GALNT13: variants seen among roughly 807,000 people sequenced by gnomAD.
GALNT13 encodes the protein UDP-GalNAc:polypeptide N-acetylgalactosaminyltransferase 13.
GALNT13 carries 28 observed loss-of-function variants against 64.2 expected under a neutral mutation model. The ratio of observed to expected loss-of-function variants is 0.44; its 90% CI spans 0.32 to 0.60. The LOEUF (loss-of-function observed/expected upper bound fraction) is 0.60, where lower values mean the gene tolerates loss of function less well. GALNT13 is among the 20% of genes least tolerant of loss of function. The pLI is 0.05. For synonymous variants in GALNT13, 214 were observed against 224.6 expected (o/e 0.95, Z 0.42); for missense variants, 577 against 669.8 (o/e 0.86, Z 1.53).
chr2:153,718,384 C>T, the GALNT13 span, among the ~76,000 whole-genome samples: 2 of 151,212 alleles, frequency 1.3e-5, no homozygotes, highest in African/African-American at 4.9e-5. Flanking sequence ...TCTGTTCCTG[C>T]TCAAAGGTAT....
the GALNT13 span, among the ~76,000 whole-genome samples, chr2:153,205,602 A>G: frequency 6.6e-6 from 1 of 152,096 alleles, no homozygotes; most frequent in Admixed American, 6.5e-5. Context: ...ATTCAACTCA[A>G]GTAACCCAAT....
At chr2:154,310,764 T>C (rs1019463654) in intron 9 of GALNT13, among the ~76,000 whole-genome samples, 1 of 152,116 alleles carries the variant, frequency 6.6e-6, no homozygotes, top group Non-Finnish European at 1.5e-5. Flanking sequence ...ATTCAAATCC[T>C]GACTCTACTT....
chr2:154,121,800 ATGACAATTTTATTTCTTTCT>A (rs1681958805), intron 3 of GALNT13, among the ~76,000 whole-genome samples: 1 of 152,042 alleles, frequency 6.6e-6, no homozygotes, highest in Non-Finnish European at 1.5e-5. Context: ...TGTGCAAGTA[ATGACAATTTTATTTCTTTCT>A]TTCCAATCCA....
At chr2:153,859,440 T>G in the GALNT13 span, among the ~76,000 whole-genome samples, 1 of 152,162 alleles carries the variant, frequency 6.6e-6, no homozygotes, top group Non-Finnish European at 1.5e-5. Context: ...CCAATGAATC[T>G]CAAACCAGGG....
At chr2:153,875,533 A>G (rs558719831) in intron 1 of GALNT13, among the ~76,000 whole-genome samples, 1 of 152,304 alleles carries the variant, frequency 6.6e-6, no homozygotes, top group Non-Finnish European at 1.5e-5. Flanking sequence ...TATCATGCCA[A>G]GTTGATTTCT....
the GALNT13 span, among the ~76,000 whole-genome samples, chr2:153,735,381 C>T: frequency 6.6e-6 from 1 of 151,494 alleles, no homozygotes; most frequent in South Asian, 2.1e-4. Flanking sequence ...GAGTGACACA[C>T]AAAATAAGCT....
chr2:153,610,814 TA>T, the GALNT13 span, among the ~76,000 whole-genome samples: 1 of 152,220 alleles, frequency 6.6e-6, no homozygotes, highest in Non-Finnish European at 1.5e-5. Context: ...GTGCCAACAA[TA>T]AGAAGATATG....
chr2:153,891,203 G>A (rs944374644), intron 1 of GALNT13, among the ~76,000 whole-genome samples: 1 of 152,144 alleles, frequency 6.6e-6, no homozygotes, highest in African/African-American at 2.4e-5. Flanking sequence ...GATTGCATAT[G>A]TACAGATAGG....
the GALNT13 span, among the ~76,000 whole-genome samples, chr2:153,262,998 A>T: frequency 6.6e-6 from 1 of 152,120 alleles, no homozygotes; most frequent in Non-Finnish European, 1.5e-5. Context: ...ATAGGAAGAG[A>T]GAAAGTTAAA....
At chr2:153,502,218 T>C in the GALNT13 span, among the ~76,000 whole-genome samples, 1 of 152,178 alleles carries the variant, frequency 6.6e-6, no homozygotes, top group Admixed American at 6.5e-5. Flanking sequence ...ACTCAATGTG[T>C]AGTCTTTTAT....
intron 4 of GALNT13, among the ~76,000 whole-genome samples, chr2:154,154,081 C>CGGCCA (rs1558991944): frequency 5.3e-5 from 8 of 152,178 alleles, no homozygotes; most frequent in Admixed American, 3.9e-4. Context: ...TTGGCTGCTT[C>CGGCCA]AGTGTGTTCT....
chr2:153,643,377 TGACA>T, the GALNT13 span, among the ~76,000 whole-genome samples: 3 of 151,562 alleles, frequency 2.0e-5, no homozygotes, highest in East Asian at 5.8e-4. Context: ...AATAACCACA[TGACA>T]AACATTAAAA....
At chr2:154,105,506 AG>A (rs1403188167) in intron 3 of GALNT13, among the ~76,000 whole-genome samples, 1 of 152,182 alleles carries the variant, frequency 6.6e-6, no homozygotes, top group Non-Finnish European at 1.5e-5. Flanking sequence ...TAGTTGCGAC[AG>A]GTTATACCAT....
At chr2:153,511,278 A>G in the GALNT13 span, among the ~76,000 whole-genome samples, 2 of 150,520 alleles carry the variant, frequency 1.3e-5, no homozygotes, top group Non-Finnish European at 2.9e-5. Flanking sequence ...GTTGGGGTCC[A>G]CTGCAAAAAA....
chr2:153,872,676 C>T (rs1401419004), intron 1 of GALNT13, among the ~76,000 whole-genome samples: 1 of 148,838 alleles, frequency 6.7e-6, no homozygotes, highest in South Asian at 2.1e-4. Flanking sequence ...CGTTCCTCCG[C>T]GGGGGTGGCT....
chr2:153,602,883 G>C, the GALNT13 span, among the ~76,000 whole-genome samples: 1 of 151,944 alleles, frequency 6.6e-6, no homozygotes, highest in African/African-American at 2.4e-5. Flanking sequence ...TTTCCTAACT[G>C]TTCAGCAAAC....
intron 9 of GALNT13, among the ~76,000 whole-genome samples, chr2:154,345,059 A>G (rs372287689): frequency 3.3e-5 from 5 of 152,010 alleles, no homozygotes; most frequent in South Asian, 2.1e-4. Context: ...AGGATCCACT[A>G]TATGGGGAAT....
chr2:153,332,577 G>A, the GALNT13 span, among the ~76,000 whole-genome samples: 39 of 142,520 alleles, frequency 2.7e-4, no homozygotes, highest in Middle Eastern at 3.8e-3. Flanking sequence ...CTCTTAGGGT[G>A]TGCAACAATT....
At chr2:153,724,059 A>G in the GALNT13 span, among the ~76,000 whole-genome samples, 1 of 145,786 alleles carries the variant, frequency 6.9e-6, no homozygotes, top group Non-Finnish European at 1.5e-5. Flanking sequence ...AAACTATACT[A>G]CAAGGCTACT....
Sources: gnomAD v4.1 joint callset for allele counts (sites outside exome capture counted in the v4.1 genomes callset) on GRCh38, gnomAD v4.1.1 for gene constraint, MANE v1.5 for transcripts, NCBI Gene and HGNC (gene_info 2026-07-23, HGNC 2026-07-21) for gene names.